Variants in USP24 observed in about 807,000 individuals in gnomAD.
USP24 encodes the protein ubiquitin specific peptidase 24, also known as ubiquitin carboxyl-terminal hydrolase 24.
A neutral mutation model predicts 361.6 loss-of-function variants in USP24; 97 were observed. The observed-to-expected ratio is 0.27, with a 90% CI of 0.23 to 0.32. The LOEUF (loss-of-function observed/expected upper bound fraction) is 0.32. Ranked by LOEUF, USP24 falls within the 10% of genes least tolerant of loss-of-function variation. The pLI is 1.00. For missense variants in USP24, 2,353 were observed against 3,165.6 expected, an observed-to-expected ratio of 0.74 and a Z score of 6.16; for synonymous variants, 1,098 against 1,124.6, an observed-to-expected ratio of 0.98 and a Z score of 0.47.
intron 16 of USP24, among the ~76,000 whole-genome samples, chr1:55,153,011 T>C (rs779314866): frequency 2.0e-5 from 3 of 152,252 alleles, no homozygotes; most frequent in African/African-American, 4.8e-5. Context: ...CTAGTTATTC[T>C]ACCAAAACTT....
At position 55,066,756 on chromosome 1, in the gene USP24, G is replaced by A. The variant is rs1445878477; in HGVS notation, c.*2289C>T. On this transcript the variant is annotated 3_prime_UTR_variant, in exon 68 of 68. Transcript: ENST00000294383. ...GCCATCTTAAGATCGGCCTCACTAA[G>A]GGAGCTTCTTGAGAACACACAGCAT... 1 of 152,212 alleles carries A rather than the reference G, an allele frequency of 6.6e-6. No homozygotes were observed. The highest frequency in any genetic ancestry group is 1.5e-5 in the Non-Finnish European group (1 of 68,042). The allele number at this position is 152,212 out of a possible 1,614,324, so 9.4% of individuals were successfully genotyped here.
At position 55,097,260 on chromosome 1, in the gene USP24, GT is replaced by G. The variant is rs1003208168; in HGVS notation, c.5716-89del. 4 of 1,403,546 alleles carry G rather than the reference GT, an allele frequency of 2.8e-6. No individual in the cohort carries two copies. In the African/African-American group the frequency reaches 5.8e-5, roughly 20 times the overall value. 86.9% of individuals were successfully genotyped at this position (1,403,546 alleles called of 1,614,324 possible). ...AAGTGAGATCCAAATAAGAGGAAGT[GT>G]TTTCCTAGTTTAAGCTAGGAACAAC... On this transcript the variant is annotated intron_variant, in intron 48 of 67. Transcript: ENST00000294383.
At chr1:55,149,965 G>A (rs1476145423) in intron 16 of USP24, among the ~76,000 whole-genome samples, 2 of 152,132 alleles carry the variant, frequency 1.3e-5, no homozygotes, top group Non-Finnish European at 2.9e-5. Flanking sequence ...AGCATTTTCC[G>A]AAGTCAGGAG....
At chr1:55,086,093 A>G in intron 55 of USP24, 55 bp from the exon 56 acceptor site, 1 of 1,538,440 alleles carries the variant, frequency 6.5e-7, no homozygotes, top group Admixed American at 1.7e-5. Flanking sequence ...CACAACCTCA[A>G]CCTTCCCATG....
chr1:55,173,686 G>A (rs17111712), intron 3 of USP24, among the ~76,000 whole-genome samples: 2,570 of 152,212 alleles, frequency 0.017, 47 homozygotes, highest in African/African-American at 0.04. Flanking sequence ...GAAAAACCTC[G>A]GTTCCAGATT....
At chr1:55,076,401 G>T (rs1645032388) in intron 62 of USP24, among the ~76,000 whole-genome samples, 1 of 152,132 alleles carries the variant, frequency 6.6e-6, no homozygotes, top group Admixed American at 6.5e-5. Flanking sequence ...TTTAACAAAT[G>T]GCATCTATGA....
intron 28 of USP24, among the ~76,000 whole-genome samples, chr1:55,136,235 A>C (rs141793749): frequency 1.3e-5 from 2 of 152,292 alleles, no homozygotes; most frequent in East Asian, 3.9e-4. Flanking sequence ...AGGAAAGAAC[A>C]GTTTAGGCAC....
intron 1 of USP24, among the ~76,000 whole-genome samples, chr1:55,190,233 G>A (rs1169816882): frequency 1.3e-5 from 2 of 149,602 alleles, no homozygotes; most frequent in East Asian, 4.0e-4. Flanking sequence ...AATATACCAT[G>A]TTGCCTCCTA....
At chr1:55,171,448 T>G in intron 5 of USP24, 108 bp downstream of exon 5, 1 of 1,351,202 alleles carries the variant, frequency 7.4e-7, no homozygotes, top group Non-Finnish European at 9.9e-7. Flanking sequence ...TATTTGTCAT[T>G]TTTCAGATTG....
At chr1:55,149,739 C>A (rs1647140167) in intron 16 of USP24, among the ~76,000 whole-genome samples, 1 of 152,164 alleles carries the variant, frequency 6.6e-6, no homozygotes, top group South Asian at 2.1e-4. Context: ...TATGTGCAAA[C>A]TTAGCTGTAC....
At chr1:55,078,816 C>T (rs1287765467) in intron 60 of USP24, among the ~76,000 whole-genome samples, 165 bp from the exon 61 acceptor site, 1 of 152,030 alleles carries the variant, frequency 6.6e-6, no homozygotes, top group Non-Finnish European at 1.5e-5. Context: ...TTCAGGGTGT[C>T]TAAGCCTGTC....
At chr1:55,078,352 G>A (rs557113516) in intron 61 of USP24, among the ~76,000 whole-genome samples, 186 bp downstream of exon 61, 2 of 152,006 alleles carry the variant, frequency 1.3e-5, no homozygotes, top group African/African-American at 2.4e-5. Context: ...CAAAGAGAGT[G>A]TAGTAATTAA....
chr1:55,072,450 C>T, intron 65 of USP24, 47 bp from the exon 66 acceptor site: 1 of 1,480,170 alleles, frequency 6.8e-7, no homozygotes, highest in Non-Finnish European at 9.3e-7. Flanking sequence ...AAATAAGCCC[C>T]CATGGGTTCA....
chr1:55,156,460 A>C (rs1046710686), intron 12 of USP24, among the ~76,000 whole-genome samples: 2 of 152,248 alleles, frequency 1.3e-5, no homozygotes, highest in Non-Finnish European at 2.9e-5. Context: ...GAAAGTTAGG[A>C]AAACCAGTAA....
Position 55,100,903 on chromosome 1 carries a change from T to C in USP24, c.5207A>G (p.Gln1736Arg), listed in dbSNP as rs1177634827. Residue 1736 changes from glutamine to arginine, a missense_variant, in exon 44 of 68, where the codon CAG becomes CGG. Physicochemically the swap from Gln to Arg is conservative, Grantham distance 43. Coordinates refer to ENST00000294383, the MANE Select transcript of USP24 (RefSeq NM_015306.3). ...TTCCATTAAATGTCCAAAGAGAGAC[T>C]GCACTTGGTAAAACACGCTATCATC... Reference protein sequence around the residue: ...NPDDSVFYQVQSLFGHLMESK... With the variant: ...NPDDSVFYQVRSLFGHLMESK... 2 of 1,613,766 alleles carry C rather than the reference T, an allele frequency of 1.2e-6. No homozygotes were observed. The highest frequency in any genetic ancestry group is 1.7e-5 in the Admixed American group (1 of 59,998).
intron 38 of USP24, among the ~76,000 whole-genome samples, chr1:55,111,702 T>G (rs550626789): frequency 1.3e-5 from 2 of 152,150 alleles, no homozygotes; most frequent in African/African-American, 4.8e-5. Context: ...TAATTCAGCT[T>G]AAATCTTGAT....
At chr1:55,074,033 C>A in intron 63 of USP24, 127 bp from the exon 64 acceptor site, 2 of 527,604 alleles carry the variant, frequency 3.8e-6, no homozygotes, top group Non-Finnish European at 6.2e-6. Flanking sequence ...AACAACTTAA[C>A]TAAAAGCATG....
chr1:55,098,708 T>C, intron 45 of USP24, 150 bp from the exon 46 acceptor site: 1 of 648,750 alleles, frequency 1.5e-6, no homozygotes, highest in East Asian at 2.7e-5. Flanking sequence ...AACCCATTAT[T>C]GGCCCCACTG....
In USP24 at chr1:55,093,925, T is replaced by C; in HGVS notation, c.6354+12A>G. 2 of 1,613,348 alleles carry C rather than the reference T, an allele frequency of 1.2e-6. No homozygotes were observed. The highest frequency in any genetic ancestry group is 2.7e-5 in the African/African-American group (2 of 74,930). ...GGATATTCCCCCTTAGAATTTTTTA[T>C]ATGGTTCTTACCTGGTATATTCGAG... On this transcript the variant is annotated intron_variant, in intron 52 of 67. Transcript: ENST00000294383.
Sources: allele counts gnomAD v4.1 joint callset (sites outside exome capture counted in the v4.1 genomes callset), GRCh38; gene constraint gnomAD v4.1.1; transcripts MANE v1.5; gene names NCBI Gene and HGNC (gene_info 2026-07-23, HGNC 2026-07-21).